Variants in THSD4 observed in about 807,000 individuals in gnomAD.
THSD4 encodes thrombospondin type-1 domain-containing protein 4.
THSD4 carries 69 observed loss-of-function variants against 119.0 expected under a neutral mutation model. The ratio of observed to expected loss-of-function variants is 0.58; its 90% CI spans 0.48 to 0.71. The LOEUF is 0.71. Ranked by LOEUF, THSD4 falls within the 30% of genes least tolerant of loss-of-function variation. The pLI is 0.00. For missense variants in THSD4, 1,393 were observed against 1,391.1 expected (o/e 1.00, Z -0.02); for synonymous variants, 524 against 540.4 (o/e 0.97, Z 0.42).
rs149271816 is a variant in THSD4 at position 71,136,164 on chromosome 15, C to T, written c.-79-5285C>T. On this transcript the variant is annotated intron_variant, in intron 1 of 17. Transcript: ENST00000261862. ...TGTGAGGGTTGTATAGCATGACTTA[C>T]GTCCCATCTCAGGTGGGACGATCCA... 1.7e-3 allele frequency among the ~76,000 whole-genome samples: 263 copies of T among 151,922 alleles called. 1 individual carries two copies. Among genetic ancestry groups the T allele is most frequent in the African/African-American group, 6.2e-3 (258 of 41,426 alleles).
Position 71,182,362 on chromosome 15 carries a change from C to G in THSD4, c.99+27430C>G, listed in dbSNP as rs2043539791. 7.9e-5 allele frequency among the ~76,000 whole-genome samples: 12 copies of G among 151,676 alleles called. 1 individual carries two copies. In the South Asian group the frequency reaches 2.5e-3, roughly 32 times the overall value. On this transcript the variant is annotated intron_variant, in intron 3 of 17. Coordinates refer to ENST00000261862, the MANE Select transcript of THSD4 (RefSeq NM_024817.3). ...GTCTGAACAAACTCTACTCTGGTAC[C>G]CATATCTTAAATGTGGTCTTCTTAT... is the stretch of plus-strand genomic sequence containing the variant.
Position 71,502,809 on chromosome 15 carries a change from G to A in THSD4, c.1152+90986G>A, listed in dbSNP as rs541707813. On this transcript the variant is annotated intron_variant, in intron 7 of 17. Transcript: ENST00000261862. Reference sequence around the variant, plus strand: ...AAATGTCTTAAGTGAGAGTTGGAGAGAGAAATCATTTTATAAATGAGGTCT... The same window carrying A: ...AAATGTCTTAAGTGAGAGTTGGAGAAAGAAATCATTTTATAAATGAGGTCT... 2.0e-5 allele frequency among the ~76,000 whole-genome samples: 3 copies of A among 152,284 alleles called. No individual in the cohort carries two copies. The South Asian group carries it at 6.2e-4, about 32-fold the overall frequency.
At chr15:71,322,790 G>A (rs1466149870) in intron 6 of THSD4, among the ~76,000 whole-genome samples, 1 of 152,098 alleles carries the variant, frequency 6.6e-6, no homozygotes, top group Non-Finnish European at 1.5e-5. Flanking sequence ...CTTCCTCAAG[G>A]CAGCCAATCA....
chr15:71,564,151 C>A (rs2049178982), intron 7 of THSD4, among the ~76,000 whole-genome samples: 1 of 152,188 alleles, frequency 6.6e-6, no homozygotes, highest in African/African-American at 2.4e-5. Flanking sequence ...CCATTTTTCC[C>A]TCTTCAGGAA....
intron 11 of THSD4, among the ~76,000 whole-genome samples, chr15:71,744,269 A>G (rs11072325): frequency 0.52 from 78,244 of 151,580 alleles, 24,193 homozygotes; most frequent in East Asian, 0.8. Flanking sequence ...AAAACCTAAA[A>G]CAGTTATAAA....
chr15:71,753,413 C>T (rs371572989), intron 14 of THSD4, among the ~76,000 whole-genome samples: 1 of 152,292 alleles, frequency 6.6e-6, no homozygotes, highest in East Asian at 1.9e-4. Context: ...AATACTGAAT[C>T]ATTTAAATTA....
rs546123842 is a variant in THSD4 at position 71,642,691 on chromosome 15, A to G, written c.1153-17839A>G. Among the ~76,000 whole-genome samples the G allele has an allele frequency of 9.2e-5, 14 of 152,248 alleles. No individual in the cohort carries two copies. In the South Asian group the frequency reaches 1.2e-3, roughly 14 times the overall value. On this transcript the variant is annotated intron_variant, in intron 7 of 17. Transcript: ENST00000261862. Reference sequence around the variant, plus strand: ...TGGAAATCATCATTCTCAGTAAACTATCGCAAGAACAAAAAACCAAACACC... The same window carrying G: ...TGGAAATCATCATTCTCAGTAAACTGTCGCAAGAACAAAAAACCAAACACC...
intron 6 of THSD4, among the ~76,000 whole-genome samples, chr15:71,374,141 A>G (rs142073676): frequency 6.6e-6 from 1 of 152,214 alleles, no homozygotes; most frequent in Non-Finnish European, 1.5e-5. Context: ...ACATGTTTCT[A>G]GTGCTCAGTA....
intron 7 of THSD4, among the ~76,000 whole-genome samples, chr15:71,659,568 G>T (rs1222060962): frequency 6.6e-6 from 1 of 151,858 alleles, no homozygotes; most frequent in East Asian, 1.9e-4. Context: ...GTGTGCCCTC[G>T]CACCTGGTTA....
At chr15:71,340,626 G>A (rs1339397747) in intron 6 of THSD4, among the ~76,000 whole-genome samples, 1 of 124,882 alleles carries the variant, frequency 8.0e-6, no homozygotes, top group African/African-American at 3.5e-5. Flanking sequence ...TTTTTTTTGC[G>A]ACACAGTTTT....
chr15:71,710,327 C>A (rs2052484249), intron 8 of THSD4, among the ~76,000 whole-genome samples: 1 of 152,104 alleles, frequency 6.6e-6, no homozygotes, highest in South Asian at 2.1e-4. Context: ...TAAAAACCAC[C>A]AATTTAAGGG....
intron 6 of THSD4, among the ~76,000 whole-genome samples, chr15:71,305,336 A>G (rs1387290100): frequency 6.6e-6 from 1 of 152,200 alleles, no homozygotes; most frequent in Non-Finnish European, 1.5e-5. Context: ...AAAGATGAAG[A>G]TATATTCAAT....
At position 71,234,010 on chromosome 15, in the gene THSD4, C is replaced by T. The variant is rs187302815; in HGVS notation, c.465-8639C>T. Reference sequence around the variant, plus strand: ...GGCTGTGCTTCAAGCTGTTGGCCACCTTCCACCCTTGCTGTGGCTGCTGCT... The same window carrying T: ...GGCTGTGCTTCAAGCTGTTGGCCACTTTCCACCCTTGCTGTGGCTGCTGCT... On this transcript the variant is annotated intron_variant, in intron 4 of 17. Coordinates refer to ENST00000261862, the MANE Select transcript of THSD4 (RefSeq NM_024817.3). 4.9e-4 allele frequency among the ~76,000 whole-genome samples: 74 copies of T among 152,312 alleles called. No homozygotes were observed. The East Asian group carries it at 0.013, about 27-fold the overall frequency.
At chr15:71,553,418 C>T (rs1389093619) in intron 7 of THSD4, among the ~76,000 whole-genome samples, 2 of 151,678 alleles carry the variant, frequency 1.3e-5, no homozygotes, top group South Asian at 2.1e-4. Flanking sequence ...CTCCACCTCC[C>T]GGGTTCAAGC....
chr15:71,563,797 C>G (rs1053581731), intron 7 of THSD4, among the ~76,000 whole-genome samples: 1 of 152,172 alleles, frequency 6.6e-6, no homozygotes. Context: ...TTACTGCTCC[C>G]ATCTCCTTTA....
chr15:71,414,807 T>A (rs2046737415), intron 7 of THSD4, among the ~76,000 whole-genome samples: 1 of 152,140 alleles, frequency 6.6e-6, no homozygotes, highest in African/African-American at 2.4e-5. Context: ...TTTTCCAGGA[T>A]GTGAGTATAT....
At chr15:71,355,615 G>A (rs1019826596) in intron 6 of THSD4, among the ~76,000 whole-genome samples, 10 of 152,164 alleles carry the variant, frequency 6.6e-5, no homozygotes, top group Admixed American at 6.5e-4. Context: ...TGTCCCGGGT[G>A]CTGGTCAGTT....
chr15:71,666,525 C>A (rs1316851990), intron 8 of THSD4, among the ~76,000 whole-genome samples: 1 of 152,164 alleles, frequency 6.6e-6, no homozygotes, highest in Non-Finnish European at 1.5e-5. Context: ...TATAATACTT[C>A]AGTCTCCAAA....
chr15:71,303,170 C>T (rs1182852772), intron 6 of THSD4, among the ~76,000 whole-genome samples: 1 of 151,884 alleles, frequency 6.6e-6, no homozygotes, highest in East Asian at 1.9e-4. Context: ...ATACAAACTC[C>T]CCAAGTGATT....
Sources: gnomAD v4.1 joint callset for allele counts (sites outside exome capture counted in the v4.1 genomes callset) on GRCh38, gnomAD v4.1.1 for gene constraint, MANE v1.5 for transcripts, NCBI Gene and HGNC (gene_info 2026-07-23, HGNC 2026-07-21) for gene names.